The following M1AP variants were observed in gnomAD, a reference collection of about 807,000 sequenced individuals.
M1AP encodes meiosis 1 arrest protein.
M1AP carries 39 observed loss-of-function variants against 51.2 expected under a neutral mutation model. The observed-to-expected ratio is 0.76, with a 90% CI of 0.59 to 1.00. The LOEUF (loss-of-function observed/expected upper bound fraction) is 1.00, where lower values mean the gene tolerates loss of function less well. Among genes scored for constraint, M1AP ranks in the 50% least tolerant of loss-of-function variants. The probability of loss-of-function intolerance (pLI) is 0.00; values close to 1 mark genes in which losing one functional copy is unlikely to be tolerated. For synonymous variants in M1AP, 251 were observed against 249.2 expected (o/e 1.01, Z -0.07); for missense variants, 545 against 641.2 (o/e 0.85, Z 1.62).
In M1AP at chr2:74,632,086, G is replaced by A. The variant is rs115722047; in HGVS notation, c.240+7950C>T. Among the ~76,000 whole-genome samples, 1,186 of 152,274 alleles carry A rather than the reference G, an allele frequency of 7.8e-3. 14 individuals carry two copies. The highest frequency in any genetic ancestry group is 0.014 in the African/African-American group (567 of 41,548). On this transcript the variant is annotated intron_variant, in intron 2 of 10. Coordinates refer to ENST00000421985, the MANE Select transcript of M1AP (RefSeq NM_001321739.2). Reference sequence around the variant, plus strand: ...GCTTTTAATTAGGGTTGAACTTATTGTTCGGTTGGAAAGAAATTTTGGCTT... The same window carrying A: ...GCTTTTAATTAGGGTTGAACTTATTATTCGGTTGGAAAGAAATTTTGGCTT...
chr2:74,617,027 TAAAAG>T (rs1681708998), intron 2 of M1AP, among the ~76,000 whole-genome samples: 1 of 152,170 alleles, frequency 6.6e-6, no homozygotes, highest in Non-Finnish European at 1.5e-5. Context: ...CAAAAGGCTA[TAAAAG>T]AAATGTAACT....
rs190050799 is a variant in M1AP at position 74,645,617 on chromosome 2, C to T, written c.-53+2648G>A. Among the ~76,000 whole-genome samples the T allele has an allele frequency of 5.9e-5, 9 of 152,288 alleles. No individual in the cohort carries two copies. In the East Asian group the frequency reaches 9.6e-4, roughly 16 times the overall value. Reference sequence around the variant, plus strand: ...CTTTCTATAGCAACGACTCTATGACCTGGAAGTTACCATGCTTTTCCTAGA... The same window carrying T: ...CTTTCTATAGCAACGACTCTATGACTTGGAAGTTACCATGCTTTTCCTAGA... On this transcript the variant is annotated intron_variant, in intron 1 of 10. Coordinates refer to ENST00000421985, the MANE Select transcript of M1AP (RefSeq NM_001321739.2).
At chr2:74,559,784 A>C (rs1677778668) in intron 9 of M1AP, 75 bp from the exon 10 acceptor site, 2 of 711,686 alleles carry the variant, frequency 2.8e-6, no homozygotes, top group Middle Eastern at 2.3e-4. Flanking sequence ...GTGCTCTATA[A>C]ATATTAATTT....
At chr2:74,579,448 G>T (rs1045824455) in intron 5 of M1AP, among the ~76,000 whole-genome samples, 1 of 152,172 alleles carries the variant, frequency 6.6e-6, no homozygotes, top group Non-Finnish European at 1.5e-5. Flanking sequence ...ACAAAATATA[G>T]ATTTCTGATC....
intron 2 of M1AP, among the ~76,000 whole-genome samples, chr2:74,624,058 CTG>C (rs1682234975): frequency 6.6e-6 from 1 of 152,176 alleles, no homozygotes; most frequent in South Asian, 2.1e-4. Flanking sequence ...AGTCTTTTCT[CTG>C]TGTATCATCT....
chr2:74,629,608 TG>T (rs1394721221), intron 2 of M1AP, among the ~76,000 whole-genome samples: 1 of 152,036 alleles, frequency 6.6e-6, no homozygotes, highest in East Asian at 1.9e-4. Context: ...AAAAATTAGC[TG>T]GGTGCGGTGG....
intron 2 of M1AP, chr2:74,628,570 T>C: frequency 3.6e-6 from 2 of 558,430 alleles, no homozygotes; most frequent in South Asian, 1.6e-5. Context: ...CAAAAGATTC[T>C]TGATTCAGCT....
intron 6 of M1AP, among the ~76,000 whole-genome samples, chr2:74,575,975 C>T (rs1679039716): frequency 1.3e-5 from 2 of 152,196 alleles, no homozygotes. Context: ...GCCTCAGCTT[C>T]CCAGAGTGGC....
chr2:74,579,195 G>T (rs1451194516), intron 5 of M1AP, among the ~76,000 whole-genome samples: 3 of 152,232 alleles, frequency 2.0e-5, no homozygotes, highest in Non-Finnish European at 4.4e-5. Context: ...AGACAGAGGG[G>T]AAGCTAGAGA....
At chr2:74,598,024 T>C (rs759075) in intron 4 of M1AP, among the ~76,000 whole-genome samples, 25,832 of 152,224 alleles carry the variant, frequency 0.17, 3,733 homozygotes, top group East Asian at 0.82. Flanking sequence ...TGCATGCTTT[T>C]CCCTAATCTT....
intron 7 of M1AP, among the ~76,000 whole-genome samples, chr2:74,563,979 T>TGG (rs1475384344): frequency 6.6e-6 from 1 of 152,224 alleles, no homozygotes; most frequent in East Asian, 1.9e-4. Context: ...GTCCTCTTAC[T>TGG]GGGGGTGATC....
intron 2 of M1AP, among the ~76,000 whole-genome samples, chr2:74,626,257 GTT>G (rs1337799000): frequency 4.0e-4 from 50 of 125,912 alleles, no homozygotes; most frequent in South Asian, 5.1e-4. Flanking sequence ...CTATATTTCA[GTT>G]TTTTTTTTTT....
chr2:74,572,575 C>T (rs1017438277), intron 7 of M1AP, among the ~76,000 whole-genome samples: 1 of 152,184 alleles, frequency 6.6e-6, no homozygotes, highest in African/African-American at 2.4e-5. Context: ...TCTGCCTTGG[C>T]CTCCTAAAGT....
chr2:74,609,217 C>CAG lies in M1AP; in HGVS notation c.427-1995_427-1994insCT, dbSNP rs1347190496. 4.7e-3 allele frequency among the ~76,000 whole-genome samples: 710 copies of CAG among 152,296 alleles called. 7 individuals are homozygous for CAG. The highest frequency in any genetic ancestry group is 0.016 in the African/African-American group (681 of 41,556). On this transcript the variant is annotated intron_variant, in intron 3 of 10. Coordinates refer to ENST00000421985, the MANE Select transcript of M1AP (RefSeq NM_001321739.2). ...CAACCTCTCCTCATGCACCCTTCCC[C>CAG]CCTATCCTCAGCCTCTGATAACCAC...
chr2:74,606,616 A>ATT (rs1167100794), intron 4 of M1AP, among the ~76,000 whole-genome samples: 1 of 152,068 alleles, frequency 6.6e-6, no homozygotes, highest in African/African-American at 2.4e-5. Context: ...ATATATATAT[A>ATT]TAAAAGAATG....
intron 4 of M1AP, among the ~76,000 whole-genome samples, chr2:74,584,351 G>A (rs1239002929): frequency 3.3e-5 from 5 of 150,960 alleles, no homozygotes; most frequent in East Asian, 1.9e-4. Context: ...GCTCATGCCT[G>A]TAGTCCCAGC....
At chr2:74,594,166 A>AC (rs1680197648) in intron 4 of M1AP, among the ~76,000 whole-genome samples, 1 of 152,212 alleles carries the variant, frequency 6.6e-6, no homozygotes. Flanking sequence ...AAAAATCAAC[A>AC]CTTTTCAGAG....
chr2:74,584,826 A>T (rs1238126315), intron 4 of M1AP, among the ~76,000 whole-genome samples: 1 of 147,118 alleles, frequency 6.8e-6, no homozygotes, highest in Admixed American at 6.8e-5. Flanking sequence ...ATATATATAT[A>T]TATTTTATTA....
intron 2 of M1AP, among the ~76,000 whole-genome samples, chr2:74,621,945 TAAAAAA>T (rs753660707): frequency 1.6e-5 from 2 of 122,882 alleles, no homozygotes; most frequent in South Asian, 2.6e-4. Flanking sequence ...CCACATCTAC[TAAAAAA>T]AAAAAAAAAA....
Sources: gnomAD v4.1 joint callset for allele counts (sites outside exome capture counted in the v4.1 genomes callset) on GRCh38, gnomAD v4.1.1 for gene constraint, MANE v1.5 for transcripts, NCBI Gene and HGNC (gene_info 2026-07-23, HGNC 2026-07-21) for gene names.